The following OPA3 variants were observed in gnomAD, a reference collection of about 807,000 sequenced individuals.
The protein encoded by OPA3 is optic atrophy 3 protein.
OPA3 carries 6 observed loss-of-function variants against 4.0 expected under a neutral mutation model. That is an observed-to-expected ratio of 1.51 (90% CI 0.83 to 2.99). The LOEUF (loss-of-function observed/expected upper bound fraction) is 2.99, where lower values mean the gene tolerates loss of function less well. Ranked by LOEUF, OPA3 falls within the 30% of genes most tolerant of loss-of-function variation. OPA3 has a pLI of 0.00. For missense variants in OPA3, 235 were observed against 256.2 expected, an observed-to-expected ratio of 0.92 and a Z score of 0.56; for synonymous variants, 105 against 117.1, an observed-to-expected ratio of 0.90 and a Z score of 0.67.
chr19:45,540,810 A>T (rs550599128), intron 1 of OPA3, among the ~76,000 whole-genome samples: 1 of 151,860 alleles, frequency 6.6e-6, no homozygotes, highest in African/African-American at 2.4e-5. Context: ...CTCAAAAAAA[A>T]AACAAGCAAA....
intron 1 of OPA3, among the ~76,000 whole-genome samples, chr19:45,566,053 A>G (rs1447409333): frequency 6.6e-6 from 1 of 152,254 alleles, no homozygotes; most frequent in African/African-American, 2.4e-5. Context: ...GGAAAATATT[A>G]GCAAACGAAA....
chr19:45,552,569 G>T lies in OPA3; in HGVS notation c.*945C>A, dbSNP rs574822690. 6.8e-6 allele frequency: 1 copy of T among 147,956 alleles called. No homozygotes were observed. Among genetic ancestry groups the T allele is most frequent in the East Asian group, 2.0e-4 (1 of 5,030 alleles). The allele number at this position is 147,956 out of a possible 1,614,324, so 9.2% of individuals were successfully genotyped here. On this transcript the variant is annotated 3_prime_UTR_variant, in exon 2 of 2. Transcript: ENST00000263275. Reference sequence around the variant, plus strand: ...GAGACACAGTCTTGCTCTGTCACCCGGGCTGGAATACAGTGGTACAATCTT... The same window carrying T: ...GAGACACAGTCTTGCTCTGTCACCCTGGCTGGAATACAGTGGTACAATCTT...
In OPA3 at chr19:45,550,335, A is replaced by T; in HGVS notation, c.*3179T>A. 1 of 985,458 alleles carries T rather than the reference A, an allele frequency of 1.0e-6. No homozygotes were observed. The highest frequency in any genetic ancestry group is 1.7e-5 in the African/African-American group (1 of 57,330). The allele number at this position is 985,458 out of a possible 1,614,324, so 61.0% of individuals were successfully genotyped here. Reference sequence around the variant, plus strand: ...CCACTTTCACCTGCAGCTTCCCAAAAGCGGGCCCAGGTGGAATGGTCACCC... The same window carrying T: ...CCACTTTCACCTGCAGCTTCCCAAATGCGGGCCCAGGTGGAATGGTCACCC... On this transcript the variant is annotated 3_prime_UTR_variant, in exon 2 of 2. Coordinates refer to ENST00000263275, the MANE Select transcript of OPA3 (RefSeq NM_025136.4).
chr19:45,537,287 C>T (rs1270767748), intron 1 of OPA3, among the ~76,000 whole-genome samples: 4 of 149,024 alleles, frequency 2.7e-5, no homozygotes, highest in African/African-American at 9.9e-5. Context: ...CTCCCAGCTA[C>T]TCAGCAGGCT....
At chr19:45,572,277 GTA>G (rs773297577) in intron 1 of OPA3, among the ~76,000 whole-genome samples, 3 of 116,950 alleles carry the variant, frequency 2.6e-5, no homozygotes, top group East Asian at 5.1e-4. Flanking sequence ...AATATATATA[GTA>G]TATATATCGA....
At chr19:45,578,766 G>A (rs1026521644) in intron 1 of OPA3, among the ~76,000 whole-genome samples, 1 of 152,214 alleles carries the variant, frequency 6.6e-6, no homozygotes, top group African/African-American at 2.4e-5. Flanking sequence ...GGCGGAAGTT[G>A]TGGTGAGCCA....
intron 1 of OPA3, among the ~76,000 whole-genome samples, chr19:45,573,765 G>C (rs1969723390): frequency 6.6e-6 from 1 of 152,188 alleles, no homozygotes; most frequent in East Asian, 1.9e-4. Flanking sequence ...GAAAGGCAGA[G>C]GGACTCATGC....
chr19:45,545,173 A>C (rs1969232685), downstream of OPA3, among the ~76,000 whole-genome samples: 1 of 144,126 alleles, frequency 6.9e-6, no homozygotes, highest in Non-Finnish European at 1.5e-5. Flanking sequence ...TCAAAAAAAA[A>C]AAAAACAAAA....
downstream of OPA3, among the ~76,000 whole-genome samples, chr19:45,545,174 A>AAAC (rs1409935483): frequency 2.7e-5 from 4 of 148,798 alleles, no homozygotes; most frequent in Non-Finnish European, 4.5e-5. Context: ...CAAAAAAAAA[A>AAAC]AAAACAAAAA....
At chr19:45,554,576 C>A (rs1362079430) in intron 1 of OPA3, among the ~76,000 whole-genome samples, 1 of 152,184 alleles carries the variant, frequency 6.6e-6, no homozygotes, top group East Asian at 1.9e-4. Context: ...CTAGCTGCTT[C>A]TTTATGAAGG....
chr19:45,534,560 C>A (rs200708060), intron 1 of OPA3, among the ~76,000 whole-genome samples: 410 of 54,876 alleles, frequency 7.5e-3, no homozygotes, highest in Non-Finnish European at 8.1e-3. Context: ...AACTCTGTCC[C>A]AAAAAAAAAA....
At chr19:45,534,618 T>C (rs1199290221) in intron 1 of OPA3, among the ~76,000 whole-genome samples, 2 of 151,568 alleles carry the variant, frequency 1.3e-5, no homozygotes, top group South Asian at 2.1e-4. Flanking sequence ...TCCATACTTT[T>C]CCACTGAACC....
At chr19:45,536,388 A>G (rs1404749734) in intron 1 of OPA3, among the ~76,000 whole-genome samples, 1 of 152,076 alleles carries the variant, frequency 6.6e-6, no homozygotes, top group East Asian at 1.9e-4. Flanking sequence ...TACTAAAAAT[A>G]CAACAAAAAA....
chr19:45,540,232 G>T (rs192682817), intron 1 of OPA3, among the ~76,000 whole-genome samples: 198 of 151,662 alleles, frequency 1.3e-3, no homozygotes, highest in African/African-American at 4.6e-3. Context: ...CAGGAGAATC[G>T]CTTGAACCCA....
Position 45,549,781 on chromosome 19 carries a change from C to T in OPA3, c.*3733G>A, listed in dbSNP as rs1183240143. 4.0e-5 allele frequency: 39 copies of T among 985,392 alleles called. No homozygotes were observed. The South Asian group carries it at 1.1e-3, about 28-fold the overall frequency. 61.0% of individuals were successfully genotyped at this position (985,392 alleles called of 1,614,324 possible). On this transcript the variant is annotated 3_prime_UTR_variant, in exon 2 of 2. Transcript: ENST00000263275. ...AGGCGTGAGCTGGCCTGGGTCACTC[C>T]CAGTTTTAAACACAGCCCACTCAGG...
At position 45,553,347 on chromosome 19, in the gene OPA3, C is replaced by T. The variant is rs1030521213; in HGVS notation, c.*167G>A. Reference sequence around the variant, plus strand: ...ATGTTGCAACGCTTCACCTGCTGGTCCCAGTGGCAGGTAACGGCTGCTCTT... The same window carrying T: ...ATGTTGCAACGCTTCACCTGCTGGTTCCAGTGGCAGGTAACGGCTGCTCTT... On this transcript the variant is annotated 3_prime_UTR_variant, in exon 2 of 2. Coordinates refer to ENST00000263275, the MANE Select transcript of OPA3 (RefSeq NM_025136.4). 104 of 1,505,502 alleles carry T rather than the reference C, an allele frequency of 6.9e-5. No individual in the cohort carries two copies. The highest frequency in any genetic ancestry group is 8.8e-5 in the Non-Finnish European group (99 of 1,131,310). 93.3% of individuals were successfully genotyped at this position (1,505,502 alleles called of 1,614,324 possible).
intron 1 of OPA3, among the ~76,000 whole-genome samples, chr19:45,561,664 C>A (rs187876624): frequency 1.2e-4 from 19 of 152,148 alleles, no homozygotes; most frequent in Non-Finnish European, 1.0e-4. Flanking sequence ...AGGAAGTTGG[C>A]TGATAATAAA....
chr19:45,572,731 C>T (rs1286843233), intron 1 of OPA3, among the ~76,000 whole-genome samples: 1 of 134,940 alleles, frequency 7.4e-6, no homozygotes, highest in Non-Finnish European at 1.6e-5. Flanking sequence ...ACCTATATAT[C>T]ATACTATATA....
At chr19:45,573,210 G>T (rs967853402) in intron 1 of OPA3, among the ~76,000 whole-genome samples, 1 of 151,980 alleles carries the variant, frequency 6.6e-6, no homozygotes, top group Non-Finnish European at 1.5e-5. Context: ...CCACAGCATA[G>T]TCCCCATCCC....
Sources: allele counts gnomAD v4.1 joint callset (sites outside exome capture counted in the v4.1 genomes callset), GRCh38; gene constraint gnomAD v4.1.1; transcripts MANE v1.5; gene names NCBI Gene and HGNC (gene_info 2026-07-23, HGNC 2026-07-21).